Variants in CLPTM1 observed in about 807,000 individuals in gnomAD.
The protein encoded by CLPTM1 is putative lipid scramblase CLPTM1.
CLPTM1 carries 21 observed loss-of-function variants against 77.3 expected under a neutral mutation model. The ratio of observed to expected loss-of-function variants is 0.27; its 90% CI spans 0.19 to 0.39. CLPTM1 has a LOEUF of 0.39. CLPTM1 is among the 10% of genes least tolerant of loss of function. CLPTM1 has a pLI of 1.00. For synonymous variants in CLPTM1, 373 were observed against 381.0 expected (o/e 0.98, Z 0.24); for missense variants, 642 against 921.2 (o/e 0.70, Z 3.92).
At chr19:44,964,612 AT>A (rs1970599372) in intron 2 of CLPTM1, among the ~76,000 whole-genome samples, 1 of 151,984 alleles carries the variant, frequency 6.6e-6, no homozygotes, top group Non-Finnish European at 1.5e-5. Flanking sequence ...CGCTTGGCCC[AT>A]TTTAACCATT....
At chr19:44,986,303 A>C (rs1345123324) in intron 6 of CLPTM1, 152 bp from the exon 7 acceptor site, 7 of 1,022,572 alleles carry the variant, frequency 6.8e-6, no homozygotes, top group Non-Finnish European at 9.8e-6. Flanking sequence ...ATTCGAGACC[A>C]GCTTGGGCAG....
At position 44,961,993 on chromosome 19, in the gene CLPTM1, C is replaced by T; in HGVS notation, c.103C>T (p.Pro35Ser). The T allele has an allele frequency of 6.2e-7, 1 of 1,609,074 alleles. No individual in the cohort carries two copies. The highest frequency in any genetic ancestry group is 8.5e-7 in the Non-Finnish European group (1 of 1,178,438). Residue 35 changes from proline to serine, a missense_variant, in exon 2 of 14, where the codon CCG becomes TCG. Pro to Ser is a moderately conservative substitution (Grantham distance 74). Transcript: ENST00000337392. ...CAGCAATGGCAGCATCGGGAGGGAC[C>T]CGCCAGCGGAGACCCAGCCTCAGAA... ...VTSNGSIGRD[P>S]PAETQPQNPP...
intron 2 of CLPTM1, among the ~76,000 whole-genome samples, chr19:44,963,561 A>G (rs1970578973): frequency 6.6e-6 from 1 of 151,682 alleles, no homozygotes; most frequent in African/African-American, 2.4e-5. Flanking sequence ...TCCTGACCTC[A>G]TGATCCGCCT....
rs756126561 is a variant in CLPTM1, at chr19:44,993,123, C to T, written c.*226C>T. On this transcript the variant is annotated 3_prime_UTR_variant, in exon 14 of 14. Transcript: ENST00000337392. Reference sequence around the variant, plus strand: ...TGTCCCTCTGTGTTTCCAGCCATCTCGCCCTGCCAGCCCAGCACCACTGGG... The same window carrying T: ...TGTCCCTCTGTGTTTCCAGCCATCTTGCCCTGCCAGCCCAGCACCACTGGG... The T allele has an allele frequency of 2.6e-5, 18 of 686,348 alleles. No homozygotes were observed. The highest frequency in any genetic ancestry group is 1.9e-4 in the African/African-American group (11 of 56,938). The allele number at this position is 686,348 out of a possible 1,614,324, so 42.5% of individuals were successfully genotyped here. A position where few individuals can be genotyped will look rare whatever the true frequency, so the allele number is the denominator to read the frequency against.
rs751720633 is a variant in CLPTM1, at chr19:44,977,478, A to G, written c.586+18A>G. ...GTCCCGGAGTAAGTCGCTCCCCTGC[A>G]GCCAGGACCCACTGTCCAGGAGGCC... On this transcript the variant is annotated intron_variant, in intron 5 of 13. Transcript: ENST00000337392. 6 of 1,565,950 alleles carry G rather than the reference A, an allele frequency of 3.8e-6. No individual in the cohort carries two copies. Among genetic ancestry groups the G allele is most frequent in the Non-Finnish European group, 5.2e-6 (6 of 1,145,936 alleles).
intron 4 of CLPTM1, among the ~76,000 whole-genome samples, chr19:44,976,362 G>A (rs372935839): frequency 3.9e-5 from 6 of 152,234 alleles, no homozygotes; most frequent in Non-Finnish European, 2.9e-5. Flanking sequence ...GCATGTGCCT[G>A]TAGGCACAGC....
At chr19:44,980,178 C>G (rs112696663) in intron 5 of CLPTM1, among the ~76,000 whole-genome samples, 191 of 152,240 alleles carry the variant, frequency 1.3e-3, no homozygotes, top group African/African-American at 3.6e-3. Context: ...GTGAGCCACC[C>G]ACAAACTCCA....
In CLPTM1 at chr19:44,992,036, T is replaced by C. The variant is rs1322588716; in HGVS notation, c.1556-197T>C. ...GACATTTAAACAGAGGCCTCAGATATCCAGGGAGAGAGCTGTGCGGATGTG... is the reference window on the plus strand; with the variant it reads ...GACATTTAAACAGAGGCCTCAGATACCCAGGGAGAGAGCTGTGCGGATGTG... On this transcript the variant is annotated intron_variant, in intron 12 of 13. Transcript: ENST00000337392. The surrounding 1 kb of genome is among the most constrained non-coding windows in gnomAD (Gnocchi z 7.7). Among the ~76,000 whole-genome samples the C allele has an allele frequency of 6.6e-6, 1 of 152,052 alleles. No homozygotes were observed. Among genetic ancestry groups the C allele is most frequent in the Non-Finnish European group, 1.5e-5 (1 of 67,990 alleles).
chr19:44,990,126 G>GTCACCA lies in CLPTM1; in HGVS notation c.1133-265_1133-260dup. ...AGCCCTGTCCATGGCACCAGTCACCGTCACCATCAGTCAAGGGACTGCACC... is the reference window on the plus strand; with the variant it reads ...AGCCCTGTCCATGGCACCAGTCACCGTCACCATCACCATCAGTCAAGGGACTGCACC... On this transcript the variant is annotated intron_variant, in intron 9 of 13. Transcript: ENST00000337392. The surrounding 1 kb of genome is among the most constrained non-coding windows in gnomAD (Gnocchi z 4.8). The GTCACCA allele has an allele frequency of 2.1e-6, 1 of 468,984 alleles. No individual in the cohort carries two copies. Among genetic ancestry groups the GTCACCA allele is most frequent in the Non-Finnish European group, 3.8e-6 (1 of 262,740 alleles). 29.1% of individuals were successfully genotyped at this position (468,984 alleles called of 1,614,324 possible).
At chr19:44,986,686 C>T in intron 7 of CLPTM1, 111 bp downstream of exon 7, 1 of 1,389,402 alleles carries the variant, frequency 7.2e-7, no homozygotes, top group South Asian at 1.4e-5. Context: ...TCCAGGGCTC[C>T]ACCCTCCCAA....
At chr19:44,970,840 T>C (rs2080661394) in intron 2 of CLPTM1, among the ~76,000 whole-genome samples, 1 of 145,104 alleles carries the variant, frequency 6.9e-6, no homozygotes, top group South Asian at 2.2e-4. Context: ...TTTTTTTTTT[T>C]TTCCTTGAGA....
At position 44,955,446 on chromosome 19, in the gene CLPTM1, CG is replaced by C; in HGVS notation, c.56del (p.Gly19GlufsTer7). Reference sequence around the variant, plus strand: ...GGGCCCGCAGCGCCGTGGTGGCGGCCGGGGGAGGCAGCTCCGGTCAGGTACG... The same window carrying C: ...GGGCCCGCAGCGCCGTGGTGGCGGCCGGGGAGGCAGCTCCGGTCAGGTACG... ...DGARSAVVAA[G>X]GGSSGQVTSN... On this transcript the variant is annotated frameshift_variant, in exon 1 of 14. Transcript: ENST00000337392. LOFTEE classifies it high-confidence loss of function. The C allele has an allele frequency of 2.3e-6, 3 of 1,287,160 alleles. No individual in the cohort carries two copies. The highest frequency in any genetic ancestry group is 9.8e-7 in the Non-Finnish European group (1 of 1,015,454). 79.7% of individuals were successfully genotyped at this position (1,287,160 alleles called of 1,614,324 possible).
intron 5 of CLPTM1, among the ~76,000 whole-genome samples, chr19:44,979,590 A>AT (rs966542890): frequency 8.6e-5 from 13 of 151,816 alleles, no homozygotes; most frequent in African/African-American, 2.7e-4. Context: ...AAGGATGGTA[A>AT]TTTTTTTTTA....
At chr19:44,964,946 T>A (rs1041658519) in intron 2 of CLPTM1, among the ~76,000 whole-genome samples, 3 of 152,136 alleles carry the variant, frequency 2.0e-5, no homozygotes, top group African/African-American at 7.2e-5. Flanking sequence ...GCCCAGCTTC[T>A]GTTTGAGGCC....
intron 7 of CLPTM1, 123 bp from the exon 8 acceptor site, chr19:44,987,056 A>C (rs1568388980): frequency 7.6e-7 from 1 of 1,308,532 alleles, no homozygotes; most frequent in Non-Finnish European, 1.0e-6. Flanking sequence ...TGTGGCCTAG[A>C]AATGTCCCCT....
intron 5 of CLPTM1, among the ~76,000 whole-genome samples, chr19:44,978,776 C>T (rs1970845711): frequency 6.6e-6 from 1 of 151,886 alleles, no homozygotes; most frequent in African/African-American, 2.4e-5. Context: ...TTAAAAGCCT[C>T]ATCTCTCAGT....
Position 44,990,869 on chromosome 19 carries a change from T to A in CLPTM1, c.1343T>A (p.Val448Glu). The change falls in exon 11 of 14, where the codon GTG becomes GAG. Residue 448 changes from valine to glutamate, a missense_variant. Physicochemically the swap from Val to Glu is moderately radical, Grantham distance 121. Coordinates refer to ENST00000337392, the MANE Select transcript of CLPTM1 (RefSeq NM_001294.4). The surrounding 1 kb of genome is among the most constrained non-coding windows in gnomAD (Gnocchi z 4.8). ...CCACAGCTGGACCGAGAGCACAGGG[T>A]GGCAGGAATCTTCCCCCGCCTATCC... ...MDVRLDREHR[V>E]AGIFPRLSFK... 6.2e-7 allele frequency: 1 copy of A among 1,613,638 alleles called. No individual in the cohort carries two copies. Among genetic ancestry groups the A allele is most frequent in the Non-Finnish European group, 8.5e-7 (1 of 1,179,776 alleles).
intron 2 of CLPTM1, among the ~76,000 whole-genome samples, chr19:44,972,187 T>C (rs867770654): frequency 2.7e-4 from 41 of 152,016 alleles, no homozygotes; most frequent in African/African-American, 8.7e-4. Flanking sequence ...TATTTTAAAA[T>C]GTGTAATTAA....
chr19:44,986,164 A>G (rs1442150653), intron 6 of CLPTM1, among the ~76,000 whole-genome samples: 3 of 152,134 alleles, frequency 2.0e-5, no homozygotes, highest in South Asian at 2.1e-4. Flanking sequence ...CCCAGGCAGC[A>G]TAGTGAGACC....
Sources: allele counts gnomAD v4.1 joint callset (sites outside exome capture counted in the v4.1 genomes callset), GRCh38; gene constraint gnomAD v4.1.1; non-coding constraint Gnocchi (gnomAD v3.1); transcripts MANE v1.5; gene names NCBI Gene and HGNC (gene_info 2026-07-23, HGNC 2026-07-21).